Variants in BLMH observed in about 807,000 individuals in gnomAD.
The protein encoded by BLMH is bleomycin hydrolase.
BLMH carries 32 observed loss-of-function variants against 61.6 expected under a neutral mutation model. The observed-to-expected ratio is 0.52, with a 90% CI of 0.39 to 0.70. The LOEUF (loss-of-function observed/expected upper bound fraction) is 0.70. BLMH is among the 30% of genes least tolerant of loss of function. BLMH has a pLI of 0.00. For synonymous variants in BLMH, 183 were observed against 193.8 expected (o/e 0.94, Z 0.46); for missense variants, 460 against 555.5 (o/e 0.83, Z 1.73).
chr17:30,286,951 C>G, intron 4 of BLMH, 49 bp from the exon 5 acceptor site: 2 of 1,255,158 alleles, frequency 1.6e-6, no homozygotes, highest in Middle Eastern at 2.0e-4. Flanking sequence ...AATTAGAAAC[C>G]CTGGCAAAAA....
At position 30,289,443 on chromosome 17, in the gene BLMH, A is replaced by G. The variant is rs1219565295; in HGVS notation, c.251T>C (p.Leu84Pro). 6.2e-7 allele frequency: 1 copy of G among 1,612,678 alleles called. No individual in the cohort carries two copies. The highest frequency in any genetic ancestry group is 2.2e-5 in the East Asian group (1 of 44,824). ...AATATTTAACTTTTTCATGAATGGA[A>G]GCCTCATAACATTCAGACAAGAAAA... Reference protein sequence around the residue: ...WIFSCLNVMRLPFMKKLNIEE... With the variant: ...WIFSCLNVMRPPFMKKLNIEE... The change falls in exon 3 of 12, where the codon CTT becomes CCT. Residue 84 changes from leucine to proline, a missense_variant. By Grantham distance (98) the Leu-to-Pro change is moderately conservative. This residue lies in a region of BLMH where 7 missense variants were observed against 22.6 expected (regional missense o/e 0.31). Transcript: ENST00000261714.
chr17:30,291,332 T>C lies in BLMH; in HGVS notation c.190A>G (p.Ile64Val), dbSNP rs143544764. ...ACACCTGAGCTCTTCTGGTTGGTGA[T>C]TGGCTTGCCCTCCTGGGGCACGGCG... ...QHAVPQEGKP[I>V]TNQKSSGRCW... The change falls in exon 2 of 12, where the codon ATC becomes GTC. Residue 64 changes from isoleucine (I) to valine (V), a missense_variant. Physicochemically the swap from Ile to Val is conservative, Grantham distance 29. Coordinates refer to ENST00000261714, the MANE Select transcript of BLMH (RefSeq NM_000386.4). The C allele has an allele frequency of 6.1e-5, 99 of 1,612,764 alleles. No homozygotes were observed. The highest frequency in any genetic ancestry group is 2.3e-4 in the Admixed American group (14 of 60,016).
chr17:30,273,970 CTTATACAA>C, intron 7 of BLMH, 64 bp downstream of exon 7: 1 of 1,558,668 alleles, frequency 6.4e-7, no homozygotes, highest in Non-Finnish European at 8.8e-7. Context: ...AACCAAGAAT[CTTATACAA>C]TTCCCTGTGG....
chr17:30,275,727 C>T (rs928944592), intron 6 of BLMH, among the ~76,000 whole-genome samples: 5 of 151,688 alleles, frequency 3.3e-5, no homozygotes, highest in African/African-American at 1.2e-4. Flanking sequence ...AAAAGAGATA[C>T]ACCCTGCACA....
intron 2 of BLMH, 128 bp downstream of exon 2, chr17:30,291,183 T>G: frequency 8.5e-7 from 1 of 1,173,622 alleles, no homozygotes; most frequent in Non-Finnish European, 1.2e-6. Context: ...CCTGTACCTG[T>G]GCCTCATTCT....
At chr17:30,288,118 G>A (rs1301474021) in intron 3 of BLMH, 171 bp from the exon 4 acceptor site, 2 of 626,318 alleles carry the variant, frequency 3.2e-6, no homozygotes, top group East Asian at 6.4e-5. Context: ...TTGTACAGAG[G>A]CCATGCTAAT....
rs745563815 is a variant in BLMH at position 30,271,379 on chromosome 17, A to G, written c.1038T>C (p.His346=). Residue 346 remains histidine (H), a synonymous_variant, in exon 10 of 12, where the codon CAT becomes CAC. Coordinates refer to ENST00000261714, the MANE Select transcript of BLMH (RefSeq NM_000386.4). The stretch of plus-strand genomic sequence containing the variant: ...TCAAGGAGACACCAAACACTAACTC[A>G]TGGTCATAGCTGTAAAAAGAATGAT... ...LGLSDMNLYD[H]ELVFGVSLKN... is the part of the protein sequence containing the mutation. The G allele has an allele frequency of 1.9e-6, 3 of 1,611,036 alleles. No homozygotes were observed. The South Asian group carries it at 3.3e-5, about 18-fold the overall frequency.
At chr17:30,285,657 C>A in intron 5 of BLMH, 177 bp from the exon 6 acceptor site, 2 of 462,742 alleles carry the variant, frequency 4.3e-6, no homozygotes, top group South Asian at 7.8e-5. Flanking sequence ...GCTAAAAATG[C>A]TTTCCATAAG....
chr17:30,268,416 C>T (rs1365263351), intron 10 of BLMH, among the ~76,000 whole-genome samples: 1 of 152,114 alleles, frequency 6.6e-6, no homozygotes, highest in East Asian at 1.9e-4. Context: ...TACCTCTGTA[C>T]TATTACTCAA....
At chr17:30,265,533 TTTTC>T (rs1218424531) in intron 11 of BLMH, among the ~76,000 whole-genome samples, 5 of 152,158 alleles carry the variant, frequency 3.3e-5, no homozygotes, top group African/African-American at 9.7e-5. Context: ...TAAAATTTCT[TTTTC>T]TTTCTTTTTT....
Position 30,291,860 on chromosome 17 carries a change from G to A in BLMH, c.-41C>T. The stretch of plus-strand genomic sequence containing the variant: ...CGGCGGGGTAACGGTAGCTTCCAGG[G>A]TCCTTGGGCGAGCGCCGGGATTGCG... On this transcript the variant is annotated 5_prime_UTR_variant, in exon 1 of 12. Coordinates refer to ENST00000261714, the MANE Select transcript of BLMH (RefSeq NM_000386.4). 1 of 1,294,922 alleles carries A rather than the reference G, an allele frequency of 7.7e-7. No individual in the cohort carries two copies. The highest frequency in any genetic ancestry group is 9.7e-7 in the Non-Finnish European group (1 of 1,026,080). 80.2% of individuals were successfully genotyped at this position (1,294,922 alleles called of 1,614,324 possible). A position where few individuals can be genotyped will look rare whatever the true frequency, so the allele number is the denominator to read the frequency against.
chr17:30,290,590 A>G (rs1699336698), intron 2 of BLMH, among the ~76,000 whole-genome samples: 1 of 152,274 alleles, frequency 6.6e-6, no homozygotes, highest in Non-Finnish European at 1.5e-5. Context: ...CTGTCCGTAT[A>G]GATAGACTGG....
At chr17:30,265,532 TTTTTC>T (rs1329026701) in intron 11 of BLMH, among the ~76,000 whole-genome samples, 2 of 152,198 alleles carry the variant, frequency 1.3e-5, no homozygotes, top group African/African-American at 2.4e-5. Flanking sequence ...CTAAAATTTC[TTTTTC>T]TTTCTTTTTT....
intron 11 of BLMH, among the ~76,000 whole-genome samples, chr17:30,251,300 A>G (rs1010410148): frequency 6.6e-6 from 1 of 152,212 alleles, no homozygotes; most frequent in Non-Finnish European, 1.5e-5. Flanking sequence ...CTTAAATGGG[A>G]AAAAAATGCT....
chr17:30,291,208 C>G, intron 2 of BLMH, 103 bp downstream of exon 2: 1 of 1,385,844 alleles, frequency 7.2e-7, no homozygotes, highest in Non-Finnish European at 9.9e-7. Context: ...GAATTTACGA[C>G]CAGTTCTTTC....
intron 9 of BLMH, among the ~76,000 whole-genome samples, chr17:30,271,984 TAGC>T (rs1032436554): frequency 6.6e-6 from 1 of 152,216 alleles, no homozygotes; most frequent in African/African-American, 2.4e-5. Context: ...TTCTTTTTTT[TAGC>T]AGATTTCTCT....
intron 6 of BLMH, among the ~76,000 whole-genome samples, chr17:30,281,040 G>C (rs575742431): frequency 7.3e-5 from 11 of 151,662 alleles, no homozygotes; most frequent in Non-Finnish European, 1.6e-4. Flanking sequence ...TTTCTGGTAG[G>C]GAATGAAAGA....
At chr17:30,275,971 G>A (rs1232978355) in intron 6 of BLMH, among the ~76,000 whole-genome samples, 9 of 151,694 alleles carry the variant, frequency 5.9e-5, no homozygotes, top group African/African-American at 2.2e-4. Flanking sequence ...TATTTGCTAG[G>A]TCCACGTAAT....
At position 30,285,477 on chromosome 17, in the gene BLMH, T is replaced by C; in HGVS notation, c.556A>G (p.Arg186Gly). The change falls in exon 6 of 12, where the codon AGA becomes GGA. Residue 186 changes from arginine (R) to glycine (G), a missense_variant. Physicochemically the swap from Arg to Gly is moderately radical, Grantham distance 125. Transcript: ENST00000261714. Reference sequence around the variant, plus strand: ...TTCCGCAGTCGTATACAGAATTCTCTCATCTATGACAGAAACTTATTCAGC... The same window carrying C: ...TTCCGCAGTCGTATACAGAATTCTCCCATCTATGACAGAAACTTATTCAGC... ...RMNDILNHKM[R>G]EFCIRLRNLV... is the part of the protein sequence containing the mutation. The C allele has an allele frequency of 6.2e-7, 1 of 1,608,028 alleles. No individual in the cohort carries two copies. The highest frequency in any genetic ancestry group is 8.5e-7 in the Non-Finnish European group (1 of 1,177,262).
Sources: allele counts gnomAD v4.1 joint callset (sites outside exome capture counted in the v4.1 genomes callset), GRCh38; gene constraint gnomAD v4.1.1; regional missense constraint gnomAD v4.1.1; transcripts MANE v1.5; gene names NCBI Gene and HGNC (gene_info 2026-07-23, HGNC 2026-07-21).